FAM114A1: variants seen among roughly 807,000 people sequenced by gnomAD.
The protein encoded by FAM114A1 is protein NOXP20.
In FAM114A1, 62 loss-of-function variants were observed where a neutral mutation model predicts 64.3. The observed-to-expected ratio is 0.96, with a 90% CI of 0.79 to 1.19. The LOEUF (loss-of-function observed/expected upper bound fraction) is 1.19. Ranked by LOEUF, FAM114A1 falls within the 50% of genes most tolerant of loss-of-function variation. The pLI is 0.00. For missense variants in FAM114A1, 645 were observed against 676.3 expected, an observed-to-expected ratio of 0.95 and a Z score of 0.51; for synonymous variants, 254 against 251.1, an observed-to-expected ratio of 1.01 and a Z score of -0.11.
At chr4:38,931,819 G>T (rs1720667817) in intron 11 of FAM114A1, among the ~76,000 whole-genome samples, 1 of 152,220 alleles carries the variant, frequency 6.6e-6, no homozygotes, top group African/African-American at 2.4e-5. Context: ...GCAGGGCGTG[G>T]TGGCGTGTGC....
chr4:38,912,189 C>G (rs554075397), intron 7 of FAM114A1, among the ~76,000 whole-genome samples: 4 of 151,882 alleles, frequency 2.6e-5, no homozygotes, highest in Non-Finnish European at 4.4e-5. Flanking sequence ...TTAAATAACA[C>G]GGGGACAGGG....
At chr4:38,905,024 A>C (rs1717848805) in intron 4 of FAM114A1, among the ~76,000 whole-genome samples, 1 of 152,202 alleles carries the variant, frequency 6.6e-6, no homozygotes, top group South Asian at 2.1e-4. Flanking sequence ...AAGGTCATTC[A>C]ACCAGGCAGG....
chr4:38,905,679 C>T (rs751249984), intron 5 of FAM114A1, 44 bp downstream of exon 5: 3 of 1,607,024 alleles, frequency 1.9e-6, no homozygotes, highest in African/African-American at 1.3e-5. Context: ...CTTTATTACA[C>T]CATGTGCATA....
intron 14 of FAM114A1, among the ~76,000 whole-genome samples, chr4:38,942,607 A>G (rs1046974001): frequency 5.3e-5 from 8 of 152,216 alleles, no homozygotes; most frequent in African/African-American, 1.9e-4. Context: ...TGGCCTCTCC[A>G]TCCAATACTG....
intron 2 of FAM114A1, among the ~76,000 whole-genome samples, chr4:38,877,322 C>G (rs1714740123): frequency 6.6e-6 from 1 of 152,060 alleles, no homozygotes; most frequent in Non-Finnish European, 1.5e-5. Context: ...AGTGGGAGCC[C>G]TGAGCTTGTT....
chr4:38,921,547 C>T (rs1719592090), intron 8 of FAM114A1, among the ~76,000 whole-genome samples: 1 of 152,174 alleles, frequency 6.6e-6, no homozygotes, highest in Admixed American at 6.5e-5. Context: ...CAGGGGTGAA[C>T]CACCATGCCT....
intron 9 of FAM114A1, among the ~76,000 whole-genome samples, chr4:38,925,202 T>C (rs1035234465): frequency 6.6e-6 from 1 of 152,174 alleles, no homozygotes; most frequent in South Asian, 2.1e-4. Flanking sequence ...AACCCTGTTA[T>C]CTCCCATAAT....
intron 4 of FAM114A1, among the ~76,000 whole-genome samples, chr4:38,893,837 A>G (rs1268498815): frequency 6.6e-6 from 1 of 152,134 alleles, no homozygotes; most frequent in East Asian, 1.9e-4. Flanking sequence ...GTTCACATGT[A>G]ACCAGTAGAT....
rs965549729 is a variant in FAM114A1, at chr4:38,914,683, A to G, written c.793-238A>G. ...GTTTCTTAACAGTTTATTCCCAGGCATTGAATTTTTGCTTTGTTTTGCCTT... is the reference window on the plus strand; with the variant it reads ...GTTTCTTAACAGTTTATTCCCAGGCGTTGAATTTTTGCTTTGTTTTGCCTT... On this transcript the variant is annotated intron_variant, in intron 7 of 14. Coordinates refer to ENST00000358869, the MANE Select transcript of FAM114A1 (RefSeq NM_138389.4). 27 of 439,972 alleles carry G rather than the reference A, an allele frequency of 6.1e-5. No homozygotes were observed. The Admixed American group carries it at 8.0e-4, about 13-fold the overall frequency. 27.3% of individuals were successfully genotyped at this position (439,972 alleles called of 1,614,324 possible). A position where few individuals can be genotyped will look rare whatever the true frequency, so the allele number is the denominator to read the frequency against.
chr4:38,905,979 G>T, intron 6 of FAM114A1, 118 bp downstream of exon 6: 1 of 850,726 alleles, frequency 1.2e-6, no homozygotes, highest in Non-Finnish European at 1.7e-6. Context: ...CAGAACTTTG[G>T]ATTATGGTTT....
In FAM114A1 at chr4:38,868,528, C is replaced by G. The variant is rs1186409423; in HGVS notation, c.-27C>G. 2.0e-5 allele frequency: 3 copies of G among 152,712 alleles called. No homozygotes were observed. Among genetic ancestry groups the G allele is most frequent in the African/African-American group, 7.2e-5 (3 of 41,472 alleles). The allele number at this position is 152,712 out of a possible 1,614,324, so 9.5% of individuals were successfully genotyped here. On this transcript the variant is annotated 5_prime_UTR_variant, in exon 2 of 15. Coordinates refer to ENST00000358869, the MANE Select transcript of FAM114A1 (RefSeq NM_138389.4). ...AGGCCCCCTCCACCCAGTCGGCTAG[C>G]CCTCGCCTCTGCCATCCGGTGAGTA...
chr4:38,907,711 G>T lies in FAM114A1; in HGVS notation c.658-881G>T, dbSNP rs369301433. ...CTTCTATTTAAATGATAATTATGAA[G>T]ATTGGAAAATGCATATCAGTAATAA... On this transcript the variant is annotated intron_variant, in intron 6 of 14. Transcript: ENST00000358869. Among the ~76,000 whole-genome samples the T allele has an allele frequency of 2.5e-4, 38 of 152,150 alleles. No homozygotes were observed. The East Asian group carries it at 6.7e-3, about 27-fold the overall frequency.
chr4:38,876,826 C>A (rs1714694641), intron 2 of FAM114A1, among the ~76,000 whole-genome samples: 2 of 152,178 alleles, frequency 1.3e-5, no homozygotes, highest in Non-Finnish European at 2.9e-5. Flanking sequence ...TTCTGGTGGC[C>A]ACCCATATTC....
intron 9 of FAM114A1, among the ~76,000 whole-genome samples, chr4:38,924,721 TTTG>T (rs1719946463): frequency 6.6e-6 from 1 of 152,220 alleles, no homozygotes; most frequent in South Asian, 2.1e-4. Flanking sequence ...CAGCCTTGTC[TTTG>T]TTTTTCTAAT....
At chr4:38,917,273 G>A (rs1180908462) in intron 8 of FAM114A1, among the ~76,000 whole-genome samples, 1 of 152,204 alleles carries the variant, frequency 6.6e-6, no homozygotes, top group East Asian at 1.9e-4. Flanking sequence ...GGGAGGCAGA[G>A]GTTGCAGTAA....
chr4:38,909,330 AGTT>A (rs1034777485), intron 7 of FAM114A1, among the ~76,000 whole-genome samples: 1 of 152,202 alleles, frequency 6.6e-6, no homozygotes, highest in African/African-American at 2.4e-5. Flanking sequence ...CAGAAATGTT[AGTT>A]GTTGTCATTG....
rs775617833 is a variant in FAM114A1, at chr4:38,905,870, C to T, written c.657+9C>T. 2 of 1,605,924 alleles carry T rather than the reference C, an allele frequency of 1.2e-6. No individual in the cohort carries two copies. Among genetic ancestry groups the T allele is most frequent in the East Asian group, 4.5e-5 (2 of 44,826 alleles). ...ATGTGGTTCAAAACACAGTGAGTCGCTGGCTGCTTCCTCTCTTTCCCCTGT... is the reference window on the plus strand; with the variant it reads ...ATGTGGTTCAAAACACAGTGAGTCGTTGGCTGCTTCCTCTCTTTCCCCTGT... On this transcript the variant is annotated intron_variant, in intron 6 of 14. Coordinates refer to ENST00000358869, the MANE Select transcript of FAM114A1 (RefSeq NM_138389.4).
chr4:38,892,221 C>T (rs16994888), intron 4 of FAM114A1, among the ~76,000 whole-genome samples: 9 of 152,168 alleles, frequency 5.9e-5, no homozygotes, highest in South Asian at 2.1e-4. Context: ...TAGTGCACAA[C>T]GCATCTACTC....
At chr4:38,906,942 T>C (rs1405532432) in intron 6 of FAM114A1, among the ~76,000 whole-genome samples, 1 of 152,186 alleles carries the variant, frequency 6.6e-6, no homozygotes, top group East Asian at 1.9e-4. Context: ...TGATTAGCCC[T>C]CACTATGTTC....
Sources: allele counts gnomAD v4.1 joint callset (sites outside exome capture counted in the v4.1 genomes callset), GRCh38; gene constraint gnomAD v4.1.1; transcripts MANE v1.5; gene names NCBI Gene and HGNC (gene_info 2026-07-23, HGNC 2026-07-21).